Variants in CFAP53 observed in about 807,000 individuals in gnomAD.
CFAP53 encodes the protein cilia- and flagella-associated protein 53.
A neutral mutation model predicts 59.7 loss-of-function variants in CFAP53; 62 were observed. The ratio of observed to expected loss-of-function variants is 1.04; its 90% confidence interval spans 0.85 to 1.28. The LOEUF (loss-of-function observed/expected upper bound fraction) is 1.28, where lower values mean the gene tolerates loss of function less well. CFAP53 is among the 50% of genes most tolerant of loss of function. CFAP53 has a pLI of 0.00. For missense variants in CFAP53, 629 were observed against 615.6 expected (o/e 1.02, Z -0.23); for synonymous variants, 218 against 205.7 (o/e 1.06, Z -0.51).
intron 6 of CFAP53, among the ~76,000 whole-genome samples, chr18:50,240,129 T>C (rs916483813): frequency 6.6e-6 from 1 of 152,116 alleles, no homozygotes; most frequent in African/African-American, 2.4e-5. Flanking sequence ...TGCTCCACTC[T>C]GACTCATTCT....
chr18:50,237,741 C>T (rs915348564), intron 7 of CFAP53, among the ~76,000 whole-genome samples: 9 of 152,110 alleles, frequency 5.9e-5, no homozygotes, highest in Admixed American at 5.2e-4. Flanking sequence ...CTGTTTCCCC[C>T]ACCTGAGCCT....
intron 5 of CFAP53, among the ~76,000 whole-genome samples, chr18:50,244,855 G>A (rs1035976817): frequency 4.0e-5 from 6 of 151,634 alleles, no homozygotes; most frequent in Admixed American, 3.9e-4. Flanking sequence ...GAGGTCAGGA[G>A]TTGGAAACCA....
chr18:50,262,597 C>A (rs1490592978), intron 1 of CFAP53, among the ~76,000 whole-genome samples: 1 of 152,166 alleles, frequency 6.6e-6, no homozygotes, highest in Admixed American at 6.5e-5. Flanking sequence ...CTTCTAATTC[C>A]CGACCTTGAC....
chr18:50,229,154 GT>G (rs1182866006), intron 7 of CFAP53, among the ~76,000 whole-genome samples: 3 of 152,144 alleles, frequency 2.0e-5, no homozygotes, highest in African/African-American at 7.2e-5. Flanking sequence ...ATTTTTAAGT[GT>G]ACAGTTCAGT....
intron 5 of CFAP53, among the ~76,000 whole-genome samples, chr18:50,247,948 T>A (rs2033760450): frequency 6.6e-6 from 1 of 152,132 alleles, no homozygotes; most frequent in African/African-American, 2.4e-5. Flanking sequence ...GTGAATTCTC[T>A]CTTGAAGCTG....
At chr18:50,230,876 C>G (rs79322164) in intron 7 of CFAP53, among the ~76,000 whole-genome samples, 3,249 of 152,216 alleles carry the variant, frequency 0.021, 68 homozygotes, top group East Asian at 0.076. Flanking sequence ...AATGTGGATA[C>G]CCCTCTATGG....
At chr18:50,241,294 C>G (rs1568152814) in intron 6 of CFAP53, among the ~76,000 whole-genome samples, 2 of 152,126 alleles carry the variant, frequency 1.3e-5, no homozygotes, top group Non-Finnish European at 2.9e-5. Flanking sequence ...TGAGTATGGT[C>G]TCCAAATAAA....
At chr18:50,260,988 C>T in intron 3 of CFAP53, 76 bp downstream of exon 3, 1 of 1,446,686 alleles carries the variant, frequency 6.9e-7, no homozygotes, top group South Asian at 1.3e-5. Flanking sequence ...GACTAATTTA[C>T]TTTAAATTAG....
intron 3 of CFAP53, among the ~76,000 whole-genome samples, chr18:50,259,917 A>C (rs2033876118): frequency 6.6e-6 from 1 of 152,212 alleles, no homozygotes; most frequent in South Asian, 2.1e-4. Context: ...TAACTGAGGA[A>C]TTATAGTAAC....
At chr18:50,240,534 G>A (rs2033681377) in intron 6 of CFAP53, among the ~76,000 whole-genome samples, 1 of 152,128 alleles carries the variant, frequency 6.6e-6, no homozygotes, top group Non-Finnish European at 1.5e-5. Flanking sequence ...CCCCTCCCTT[G>A]CCCAGATGTG....
rs2033648381 is a variant in CFAP53 at position 50,237,391 on chromosome 18, CACACACACACACAT to C, written c.1316+1198_1316+1211del. The stretch of plus-strand genomic sequence containing the variant: ...ATACACACACACACACACATACACA[CACACACACACACAT>C]ATATATATATATGAGAAGGAAAGAT... On this transcript the variant is annotated intron_variant, in intron 7 of 7. Transcript: ENST00000398545. 3.6e-5 allele frequency among the ~76,000 whole-genome samples: 3 copies of C among 83,638 alleles called. No individual in the cohort carries two copies. In the East Asian group the frequency reaches 9.2e-4, roughly 26 times the overall value. The allele number at this position is 83,638 out of a possible 152,430, so 54.9% of individuals were successfully genotyped here. A position where few individuals can be genotyped will look rare whatever the true frequency, so the allele number is the denominator to read the frequency against.
chr18:50,238,578 G>C, intron 7 of CFAP53, 25 bp downstream of exon 7: 1 of 1,546,548 alleles, frequency 6.5e-7, no homozygotes, highest in Middle Eastern at 1.8e-4. Flanking sequence ...GGTAGCAAAT[G>C]ATGATACAGA....
chr18:50,252,784 G>C (rs150533226), intron 3 of CFAP53, among the ~76,000 whole-genome samples: 16 of 152,290 alleles, frequency 1.1e-4, no homozygotes, highest in Admixed American at 9.8e-4. Flanking sequence ...CACTTTGGGA[G>C]GCCAAGGCAG....
At position 50,237,304 on chromosome 18, in the gene CFAP53, CAAAAAAAAA is replaced by C. The variant is rs143356494; in HGVS notation, c.1316+1290_1316+1298del. On this transcript the variant is annotated intron_variant, in intron 7 of 7. Transcript: ENST00000398545. Reference sequence around the variant, plus strand: ...TAGGTGACAGAGCAAGACTCCATCTCAAAAAAAAAAAAAAAAAAAAAAAAAATATATATA... The same window carrying C: ...TAGGTGACAGAGCAAGACTCCATCTCAAAAAAAAAAAAAAAAATATATATA... Among the ~76,000 whole-genome samples the C allele has an allele frequency of 1.2e-3, 11 of 9,338 alleles. 1 individual carries two copies. The Admixed American group carries it at 0.014, about 12-fold the overall frequency. The allele number at this position is 9,338 out of a possible 152,430, so 6.1% of individuals were successfully genotyped here.
At chr18:50,242,500 T>C (rs7232247) in intron 6 of CFAP53, among the ~76,000 whole-genome samples, 149,856 of 152,304 alleles carry the variant, frequency 0.98, 73,768 homozygotes, top group East Asian at 1. Flanking sequence ...GTTCTTCTGC[T>C]GTGGCTTCAG....
At chr18:50,252,762 C>T (rs2033813176) in intron 3 of CFAP53, among the ~76,000 whole-genome samples, 1 of 152,144 alleles carries the variant, frequency 6.6e-6, no homozygotes, top group Admixed American at 6.5e-5. Context: ...TGACTCATAT[C>T]TGTAATCCCA....
At chr18:50,252,431 T>C (rs1402979601) in intron 3 of CFAP53, among the ~76,000 whole-genome samples, 2 of 151,746 alleles carry the variant, frequency 1.3e-5, no homozygotes, top group East Asian at 2.0e-4. Context: ...AGAGACAAGG[T>C]CTCACTCTGT....
At chr18:50,234,266 G>A (rs563980512) in intron 7 of CFAP53, among the ~76,000 whole-genome samples, 1 of 152,310 alleles carries the variant, frequency 6.6e-6, no homozygotes, top group African/African-American at 2.4e-5. Context: ...AAACAGTTCA[G>A]CTACTGGGAT....
chr18:50,229,257 C>T (rs1280910691), intron 7 of CFAP53, among the ~76,000 whole-genome samples: 2 of 152,172 alleles, frequency 1.3e-5, no homozygotes, highest in Non-Finnish European at 2.9e-5. Context: ...CCCCACAACC[C>T]CTGGTAACCA....
Sources: allele counts gnomAD v4.1 joint callset (sites outside exome capture counted in the v4.1 genomes callset), GRCh38; gene constraint gnomAD v4.1.1; transcripts MANE v1.5; gene names NCBI Gene and HGNC (gene_info 2026-07-23, HGNC 2026-07-21).